The following ACO2 variants were observed in gnomAD, a reference collection of about 807,000 sequenced individuals.
The protein encoded by ACO2 is aconitase 2, also known as aconitate hydratase, mitochondrial.
In ACO2, 31 loss-of-function variants were observed where a neutral mutation model predicts 84.5. That is an observed-to-expected ratio of 0.37 (90% CI 0.28 to 0.50). The LOEUF (loss-of-function observed/expected upper bound fraction) is 0.50. ACO2 is among the 20% of genes least tolerant of loss of function. ACO2 has a pLI of 0.97. For synonymous variants in ACO2, 414 were observed against 412.7 expected (o/e 1.00, Z -0.04); for missense variants, 685 against 1,029.3 (o/e 0.67, Z 4.58).
At chr22:41,469,558 C>T (rs1487285880) in intron 1 of ACO2, 5 of 221,204 alleles carry the variant, frequency 2.3e-5, no homozygotes, top group African/African-American at 9.1e-5. Context: ...TCTTCTAGGC[C>T]CAGTTCCTGA....
chr22:41,495,651 T>C (rs2066307682), intron 1 of ACO2, among the ~76,000 whole-genome samples: 1 of 151,636 alleles, frequency 6.6e-6, no homozygotes, highest in African/African-American at 2.4e-5. Flanking sequence ...GACTGAGTCT[T>C]GCTCTGTCGT....
Position 41,527,782 on chromosome 22 carries a change from C to T in ACO2, c.2087-119C>T, listed in dbSNP as rs559018055. The T allele has an allele frequency of 8.0e-4, 1,224 of 1,529,212 alleles. 3 individuals carry two copies. Among genetic ancestry groups the T allele is most frequent in the Middle Eastern group, 1.6e-3 (9 of 5,764 alleles). The allele number at this position is 1,529,212 out of a possible 1,614,324, so 94.7% of individuals were successfully genotyped here. ...CAGACCAGGGCCCCATAGTCACTGC[C>T]CGGGCATTGTCCCAGGCAGCAGGAT... On this transcript the variant is annotated intron_variant, in intron 16 of 17. Coordinates refer to ENST00000216254, the MANE Select transcript of ACO2 (RefSeq NM_001098.3).
chr22:41,513,943 C>T (rs995003551), intron 4 of ACO2, among the ~76,000 whole-genome samples: 8 of 151,692 alleles, frequency 5.3e-5, no homozygotes, highest in Non-Finnish European at 7.4e-5. Context: ...GTGTCTACAC[C>T]GTGTGGACCA....
chr22:41,522,636 C>T (rs572443439), intron 9 of ACO2, among the ~76,000 whole-genome samples, 194 bp from the exon 10 acceptor site: 2 of 146,998 alleles, frequency 1.4e-5, no homozygotes, highest in South Asian at 2.3e-4. Flanking sequence ...CTTCAAATGA[C>T]GCCACGTCAT....
At chr22:41,523,075 G>T (rs1305604453) in intron 10 of ACO2, 88 bp downstream of exon 10, 1 of 1,572,040 alleles carries the variant, frequency 6.4e-7, no homozygotes, top group East Asian at 2.3e-5. Flanking sequence ...CTGTTGGGCC[G>T]GGGCTGGGGC....
chr22:41,471,064 G>GA (rs1384409240), intron 1 of ACO2, among the ~76,000 whole-genome samples: 2 of 150,296 alleles, frequency 1.3e-5, no homozygotes, highest in Non-Finnish European at 3.0e-5. Flanking sequence ...TCTCTTTCCT[G>GA]ATCCTGTGAC....
chr22:41,489,196 C>T (rs2066254934), intron 1 of ACO2, among the ~76,000 whole-genome samples: 1 of 152,142 alleles, frequency 6.6e-6, no homozygotes, highest in African/African-American at 2.4e-5. Context: ...GCGTGTGCCA[C>T]CTTGCTCGGC....
rs1397622674 is a variant in ACO2 at position 41,518,662 on chromosome 22, G to T, written c.1032+90G>T. The T allele has an allele frequency of 1.9e-5, 19 of 1,023,744 alleles. 1 individual carries two copies. The highest frequency in any genetic ancestry group is 7.7e-5 in the South Asian group (6 of 78,398). The allele number at this position is 1,023,744 out of a possible 1,614,324, so 63.4% of individuals were successfully genotyped here. ...CCTAAATACTCACTGAGGGCCGGGT[G>T]GTGGCTCACAGCTGTAATCCCAGCA... On this transcript the variant is annotated intron_variant, in intron 8 of 17. Transcript: ENST00000216254.
chr22:41,488,149 TCTTC>T (rs2066245213), intron 1 of ACO2, among the ~76,000 whole-genome samples: 1 of 152,198 alleles, frequency 6.6e-6, no homozygotes, highest in Non-Finnish European at 1.5e-5. Context: ...TGTTTTGGTG[TCTTC>T]CTTATTCTAC....
rs950070001 is a variant in ACO2 at position 41,476,700 on chromosome 22, ACT to A, written c.36+7521_36+7522del. Among the ~76,000 whole-genome samples the A allele has an allele frequency of 5.3e-5, 8 of 152,116 alleles. 1 individual carries two copies. The highest frequency in any genetic ancestry group is 4.6e-4 in the Admixed American group (7 of 15,250). The stretch of plus-strand genomic sequence containing the variant: ...ACTCCAGCTTGGGCAACAGAGCGAG[ACT>A]CTGTCTCAAAAACAAAACAAAACAA... On this transcript the variant is annotated intron_variant, in intron 1 of 17. Coordinates refer to ENST00000216254, the MANE Select transcript of ACO2 (RefSeq NM_001098.3).
At chr22:41,470,596 G>T (rs1274449438) in intron 1 of ACO2, among the ~76,000 whole-genome samples, 1 of 133,530 alleles carries the variant, frequency 7.5e-6, no homozygotes, top group African/African-American at 2.8e-5. Context: ...AGGCTGGAGT[G>T]CAATGGCGCA....
intron 1 of ACO2, among the ~76,000 whole-genome samples, chr22:41,487,173 C>T (rs1320932954): frequency 6.6e-5 from 10 of 152,206 alleles, no homozygotes; most frequent in Non-Finnish European, 1.5e-4. Flanking sequence ...CATGAGCCAC[C>T]GTGCTTGGCT....
intron 9 of ACO2, 77 bp from the exon 10 acceptor site, chr22:41,522,753 G>C (rs2066537425): frequency 1.3e-6 from 2 of 1,534,386 alleles, no homozygotes; most frequent in Non-Finnish European, 1.8e-6. Flanking sequence ...GCCAAGTCTG[G>C]ATAATTTGAA....
Position 41,526,137 on chromosome 22 carries a change from G to C in ACO2, c.1762-125G>C, listed in dbSNP as rs2066589732. The C allele has an allele frequency of 5.1e-6, 4 of 776,790 alleles. 1 individual carries two copies. The allele number at this position is 776,790 out of a possible 1,614,324, so 48.1% of individuals were successfully genotyped here. A position where few individuals can be genotyped will look rare whatever the true frequency, so the allele number is the denominator to read the frequency against. On this transcript the variant is annotated intron_variant, in intron 14 of 17. Coordinates refer to ENST00000216254, the MANE Select transcript of ACO2 (RefSeq NM_001098.3). The stretch of plus-strand genomic sequence containing the variant: ...CCACAGAACACGTGTCTGAAGACTT[G>C]CCTGCCTCTCACCCCTCTGTCACCC...
chr22:41,527,056 T>A (rs182262241), intron 15 of ACO2: 99 of 610,744 alleles, frequency 1.6e-4, no homozygotes, highest in Admixed American at 6.6e-4. Context: ...TTCTGTCTTC[T>A]TTGCCACTGC....
chr22:41,519,767 C>T (rs1392527909), intron 8 of ACO2, among the ~76,000 whole-genome samples: 1 of 151,376 alleles, frequency 6.6e-6, no homozygotes, highest in Non-Finnish European at 1.5e-5. Flanking sequence ...AAGATCGTGC[C>T]ACTGCACTCC....
chr22:41,474,103 A>G (rs2037978749), intron 1 of ACO2, among the ~76,000 whole-genome samples: 1 of 152,046 alleles, frequency 6.6e-6, no homozygotes, highest in Admixed American at 6.6e-5. Flanking sequence ...GGAATGGCAG[A>G]GGAGTCTGGG....
chr22:41,469,720 T>C (rs769892952), intron 1 of ACO2, among the ~76,000 whole-genome samples: 2 of 152,174 alleles, frequency 1.3e-5, no homozygotes, highest in Non-Finnish European at 2.9e-5. Flanking sequence ...TCTGGGCCCA[T>C]ACGTAGTAAA....
At chr22:41,521,035 C>CAAAA (rs375633363) in intron 9 of ACO2, among the ~76,000 whole-genome samples, 96 of 80,980 alleles carry the variant, frequency 1.2e-3, no homozygotes, top group African/African-American at 2.1e-3. Context: ...AGCCTGCCTC[C>CAAAA]AAAAAAAAAA....
Sources: allele counts gnomAD v4.1 joint callset (sites outside exome capture counted in the v4.1 genomes callset), GRCh38; gene constraint gnomAD v4.1.1; transcripts MANE v1.5; gene names NCBI Gene and HGNC (gene_info 2026-07-23, HGNC 2026-07-21).